The following GRIA1 variants were observed in gnomAD, a reference collection of about 807,000 sequenced individuals.
GRIA1 encodes glutamate ionotropic receptor AMPA type subunit 1.
Under a neutral mutation model 99.2 loss-of-function variants are expected in GRIA1, and 31 were observed. The ratio of observed to expected loss-of-function variants is 0.31; its 90% CI spans 0.23 to 0.42. The LOEUF is 0.42. GRIA1 is among the 10% of genes least tolerant of loss of function. The pLI, the probability that GRIA1 is intolerant of heterozygous loss-of-function variation, is 1.00. For synonymous variants in GRIA1, 438 were observed against 432.4 expected, an observed-to-expected ratio of 1.01 and a Z score of -0.16; for missense variants, 782 against 1,157.5, an observed-to-expected ratio of 0.68 and a Z score of 4.71.
At chr5:153,704,620 G>A (rs1026957059) in intron 10 of GRIA1, among the ~76,000 whole-genome samples, 2 of 152,188 alleles carry the variant, frequency 1.3e-5, no homozygotes, top group African/African-American at 2.4e-5. Context: ...GAAAATGACT[G>A]CAATACTACT....
chr5:153,594,931 T>C (rs1764298887), intron 2 of GRIA1, among the ~76,000 whole-genome samples: 2 of 152,002 alleles, frequency 1.3e-5, no homozygotes, highest in African/African-American at 2.4e-5. Context: ...TGCTTCATAT[T>C]TTTACACCTT....
At chr5:153,635,233 G>A (rs1753263733) in intron 2 of GRIA1, among the ~76,000 whole-genome samples, 1 of 152,196 alleles carries the variant, frequency 6.6e-6, no homozygotes, top group Non-Finnish European at 1.5e-5. Context: ...AATTAAGACA[G>A]CCAAAGGAAG....
intron 1 of GRIA1, among the ~76,000 whole-genome samples, chr5:153,493,420 T>A (rs524610): frequency 6.6e-6 from 1 of 152,014 alleles, no homozygotes; most frequent in Non-Finnish European, 1.5e-5. Flanking sequence ...ACTGTCCATG[T>A]AAACAGTTAT....
At chr5:153,529,492 C>G (rs1037606144) in intron 2 of GRIA1, among the ~76,000 whole-genome samples, 1 of 152,178 alleles carries the variant, frequency 6.6e-6, no homozygotes, top group African/African-American at 2.4e-5. Context: ...AAACTTAAAA[C>G]AGTACCAGCC....
In GRIA1 at chr5:153,746,414, A is replaced by G. The variant is rs553991631; in HGVS notation, c.1824-18020A>G. 1.8e-4 allele frequency among the ~76,000 whole-genome samples: 28 copies of G among 152,342 alleles called. No individual in the cohort carries two copies. The South Asian group carries it at 5.8e-3, about 32-fold the overall frequency. ...GTGCTGGAGTTAACAAACGTTAATT[A>G]AAGCAGAAGTGCATATTGTTATTTT... On this transcript the variant is annotated intron_variant, in intron 11 of 15. Coordinates refer to ENST00000285900, the MANE Select transcript of GRIA1 (RefSeq NM_000827.4).
intron 3 of GRIA1, among the ~76,000 whole-genome samples, chr5:153,649,445 TTAGTTAG>T (rs60897660): frequency 0.3 from 38,953 of 129,532 alleles, 5,819 homozygotes; most frequent in Non-Finnish European, 0.39. Context: ...ATTTATTTAG[TTAGTTAG>T]TTAGTTAGTT....
At chr5:153,542,013 C>T (rs1198607797) in intron 2 of GRIA1, among the ~76,000 whole-genome samples, 1 of 150,216 alleles carries the variant, frequency 6.7e-6, no homozygotes, top group African/African-American at 2.4e-5. Flanking sequence ...CATCCTGCAA[C>T]TTGAACTTTG....
intron 2 of GRIA1, among the ~76,000 whole-genome samples, chr5:153,585,514 G>A (rs1222274725): frequency 6.6e-6 from 1 of 151,694 alleles, no homozygotes; most frequent in African/African-American, 2.4e-5. Context: ...TCACCATATT[G>A]GTCAGGCTGG....
chr5:153,512,090 A>G (rs1561598935), intron 2 of GRIA1, among the ~76,000 whole-genome samples: 1 of 152,230 alleles, frequency 6.6e-6, no homozygotes, highest in African/African-American at 2.4e-5. Flanking sequence ...CGAAAGAGGC[A>G]GGTTGCATAG....
At chr5:153,579,865 C>T (rs917018529) in intron 2 of GRIA1, among the ~76,000 whole-genome samples, 1 of 150,472 alleles carries the variant, frequency 6.6e-6, no homozygotes, top group African/African-American at 2.5e-5. Context: ...TCCTGCGGGG[C>T]CTTGTGAAAA....
chr5:153,654,822 T>TTA (rs1286139024), intron 4 of GRIA1, among the ~76,000 whole-genome samples: 1 of 152,064 alleles, frequency 6.6e-6, no homozygotes, highest in East Asian at 1.9e-4. Context: ...AATTTGATGA[T>TTA]TAAAAAAAAT....
intron 13 of GRIA1, among the ~76,000 whole-genome samples, chr5:153,792,559 G>A (rs1765365114): frequency 6.6e-6 from 1 of 152,174 alleles, no homozygotes; most frequent in Non-Finnish European, 1.5e-5. Flanking sequence ...AGAAGTAGAG[G>A]AGACAAGAGA....
intron 11 of GRIA1, among the ~76,000 whole-genome samples, chr5:153,740,333 A>T (rs1761690246): frequency 6.6e-6 from 1 of 152,200 alleles, no homozygotes; most frequent in Non-Finnish European, 1.5e-5. Flanking sequence ...ACAGGTGTGG[A>T]GGGCTAGATG....
At chr5:153,572,229 C>A (rs150852589) in intron 2 of GRIA1, among the ~76,000 whole-genome samples, 1 of 152,332 alleles carries the variant, frequency 6.6e-6, no homozygotes, top group East Asian at 1.9e-4. Flanking sequence ...GTGTACCCCA[C>A]AGCTTGATGA....
chr5:153,792,733 CCTTT>C (rs892563975), intron 13 of GRIA1, among the ~76,000 whole-genome samples: 3 of 151,960 alleles, frequency 2.0e-5, no homozygotes, highest in African/African-American at 7.2e-5. Context: ...CTCTCTCTCT[CCTTT>C]CTTTCTTTCT....
intron 7 of GRIA1, among the ~76,000 whole-genome samples, chr5:153,685,278 G>A (rs1053118997): frequency 2.6e-5 from 4 of 152,208 alleles, no homozygotes; most frequent in Non-Finnish European, 5.9e-5. Flanking sequence ...GACTCAGTTT[G>A]AGAGTGGTCT....
At chr5:153,507,316 C>A (rs1581146349) in intron 2 of GRIA1, among the ~76,000 whole-genome samples, 3 of 152,180 alleles carry the variant, frequency 2.0e-5, no homozygotes, top group South Asian at 2.1e-4. Context: ...CCCCCACATA[C>A]CCCTGCAAGA....
intron 2 of GRIA1, among the ~76,000 whole-genome samples, chr5:153,607,136 T>C (rs998640668): frequency 1.3e-5 from 2 of 150,774 alleles, no homozygotes; most frequent in African/African-American, 4.9e-5. Context: ...TTTGCAATTG[T>C]AAATTGTGCC....
At chr5:153,610,748 G>T (rs1382982360) in intron 2 of GRIA1, among the ~76,000 whole-genome samples, 1 of 152,076 alleles carries the variant, frequency 6.6e-6, no homozygotes, top group African/African-American at 2.4e-5. Flanking sequence ...TATCTCCAAG[G>T]GTTTTTGTGA....
Sources: gnomAD v4.1 joint callset for allele counts (sites outside exome capture counted in the v4.1 genomes callset) on GRCh38, gnomAD v4.1.1 for gene constraint, MANE v1.5 for transcripts, NCBI Gene and HGNC (gene_info 2026-07-23, HGNC 2026-07-21) for gene names.